Variants in EPB41L1 observed in about 807,000 individuals in gnomAD.
EPB41L1 encodes the protein band 4.1-like protein 1.
EPB41L1 carries 29 observed loss-of-function variants against 97.8 expected under a neutral mutation model. The ratio of observed to expected loss-of-function variants is 0.30; its 90% CI spans 0.22 to 0.40. The LOEUF is 0.40. Among genes scored for constraint, EPB41L1 ranks in the 10% least tolerant of loss-of-function variants. The pLI, the probability that EPB41L1 is intolerant of heterozygous loss-of-function variation, is 1.00. For missense variants in EPB41L1, 812 were observed against 1,162.3 expected (o/e 0.70, Z 4.38); for synonymous variants, 383 against 459.2 (o/e 0.83, Z 2.12).
intron 2 of EPB41L1, among the ~76,000 whole-genome samples, chr20:36,133,855 CAAAAAAAAA>C (rs57803389): frequency 5.3e-5 from 4 of 75,888 alleles, no homozygotes; most frequent in African/African-American, 1.8e-4. Flanking sequence ...GAGACCCTGT[CAAAAAAAAA>C]AAAAAAAAAG....
chr20:36,099,793 G>A (rs530345433), intron 1 of EPB41L1, among the ~76,000 whole-genome samples: 5 of 152,376 alleles, frequency 3.3e-5, no homozygotes, highest in African/African-American at 1.2e-4. Context: ...CCTGTCTTCA[G>A]TCTGAACAGT....
rs76905668 is a variant in EPB41L1, at chr20:36,181,401, C to A, written c.491-871C>A. The stretch of plus-strand genomic sequence containing the variant: ...AGCTATAACCTCAGCCTTTATTCCC[C>A]TGTGTATCTTCTTAGATGTGTGCCA... On this transcript the variant is annotated intron_variant, in intron 5 of 21. Coordinates refer to ENST00000338074, the MANE Select transcript of EPB41L1 (RefSeq NM_012156.2). Among the ~76,000 whole-genome samples the A allele has an allele frequency of 0.01, 1,562 of 152,302 alleles. 64 individuals carry two copies. The East Asian group carries it at 0.13, about 13-fold the overall frequency.
At chr20:36,220,097 G>T (rs543097460) in intron 19 of EPB41L1, among the ~76,000 whole-genome samples, 1 of 152,392 alleles carries the variant, frequency 6.6e-6, no homozygotes, top group Non-Finnish European at 1.5e-5. Flanking sequence ...ACCATGGCGT[G>T]TGCGCCTTGT....
chr20:36,190,282 G>A lies in EPB41L1; in HGVS notation c.1032G>A (p.Glu344=), dbSNP rs760726209. Residue 344 remains glutamate, a synonymous_variant, in exon 10 of 22, where the codon GAG becomes GAA. Coordinates refer to ENST00000338074, the MANE Select transcript of EPB41L1 (RefSeq NM_012156.2). The surrounding 1 kb of genome is among the most constrained non-coding windows in gnomAD (Gnocchi z 5.8). ...FYIKIRPGEY[E]QFESTIGFKL... The stretch of plus-strand genomic sequence containing the variant: ...CTGCCCTTTTGGTTTTCCAGTATGA[G>A]CAATTTGAGAGCACAATTGGCTTTA... 8 of 1,614,038 alleles carry A rather than the reference G, an allele frequency of 5.0e-6. No homozygotes were observed. In the South Asian group the frequency reaches 6.6e-5, roughly 13 times the overall value.
chr20:36,136,647 G>T, intron 2 of EPB41L1, among the ~76,000 whole-genome samples: 1 of 150,420 alleles, frequency 6.6e-6, no homozygotes, highest in African/African-American at 2.5e-5. Context: ...GTACACAGGT[G>T]CAATCATAGC....
intron 1 of EPB41L1, among the ~76,000 whole-genome samples, chr20:36,112,190 C>T (rs949283575): frequency 6.6e-6 from 1 of 152,200 alleles, no homozygotes; most frequent in Non-Finnish European, 1.5e-5. Context: ...CAATAAAGAG[C>T]GAATCTTCTC....
chr20:36,194,798 C>T (rs940551152), intron 12 of EPB41L1, among the ~76,000 whole-genome samples: 1 of 152,164 alleles, frequency 6.6e-6, no homozygotes, highest in Non-Finnish European at 1.5e-5. Flanking sequence ...TGCACACACA[C>T]AGTCCCAGTA....
At chr20:36,164,801 T>G (rs901763351) in intron 1 of EPB41L1, among the ~76,000 whole-genome samples, 3 of 152,114 alleles carry the variant, frequency 2.0e-5, no homozygotes, top group Non-Finnish European at 4.4e-5. Context: ...TTCTCCTGTC[T>G]CAGGCTCCCG....
chr20:36,143,519 G>A (rs2059721930), intron 2 of EPB41L1, among the ~76,000 whole-genome samples: 1 of 152,044 alleles, frequency 6.6e-6, no homozygotes, highest in Non-Finnish European at 1.5e-5. Context: ...TTAATGTAGG[G>A]TTCCTTTAAA....
chr20:36,158,026 G>A (rs1439556551), intron 1 of EPB41L1, among the ~76,000 whole-genome samples: 2 of 152,164 alleles, frequency 1.3e-5, no homozygotes, highest in East Asian at 1.9e-4. Flanking sequence ...CAACTCATAC[G>A]TTCTTCACAA....
At position 36,229,516 on chromosome 20, in the gene EPB41L1, A is replaced by G. The variant is rs2064392126; in HGVS notation, c.*176A>G. On this transcript the variant is annotated 3_prime_UTR_variant, in exon 22 of 22. Transcript: ENST00000338074. ...TATATAGATATATAGAGATATAGAT[A>G]TATATACAGGAAACACCGCATCCTT... 3.3e-6 allele frequency: 2 copies of G among 613,844 alleles called. No homozygotes were observed. 38.0% of individuals were successfully genotyped at this position (613,844 alleles called of 1,614,324 possible).
At position 36,206,147 on chromosome 20, in the gene EPB41L1, G is replaced by A; in HGVS notation, c.1669-3341G>A. The A allele has an allele frequency of 7.8e-7, 1 of 1,289,874 alleles. No individual in the cohort carries two copies. Among genetic ancestry groups the A allele is most frequent in the Non-Finnish European group, 1.0e-6 (1 of 988,888 alleles). 79.9% of individuals were successfully genotyped at this position (1,289,874 alleles called of 1,614,324 possible). A position where few individuals can be genotyped will look rare whatever the true frequency, so the allele number is the denominator to read the frequency against. Reference sequence around the variant, plus strand: ...CCCTGGATCAGGGAAAGCCCAGGAGGGGCTGCCCTGGCTTCCGGCCGCACA... The same window carrying A: ...CCCTGGATCAGGGAAAGCCCAGGAGAGGCTGCCCTGGCTTCCGGCCGCACA... On this transcript the variant is annotated intron_variant, in intron 14 of 21. Transcript: ENST00000338074. This position sits in a 1 kb window ranked among gnomAD's most constrained non-coding sequence, Gnocchi z 5.5.
chr20:36,177,222 C>A (rs1430873168), intron 3 of EPB41L1, among the ~76,000 whole-genome samples: 1 of 152,196 alleles, frequency 6.6e-6, no homozygotes, highest in Non-Finnish European at 1.5e-5. Context: ...TCCTGTTCCC[C>A]TGCCATGTGA....
chr20:36,111,042 T>A (rs557541048), intron 1 of EPB41L1, among the ~76,000 whole-genome samples: 1 of 152,328 alleles, frequency 6.6e-6, no homozygotes, highest in African/African-American at 2.4e-5. Flanking sequence ...ATGGTGCTGC[T>A]ACCTTTTGGA....
intron 9 of EPB41L1, among the ~76,000 whole-genome samples, chr20:36,189,702 TC>T (rs2061861133): frequency 6.6e-6 from 1 of 152,116 alleles, no homozygotes; most frequent in Non-Finnish European, 1.5e-5. Flanking sequence ...CTCCCTTCAT[TC>T]CCCTTGTAGC....
intron 2 of EPB41L1, among the ~76,000 whole-genome samples, chr20:36,127,856 G>A (rs2059033700): frequency 1.3e-5 from 2 of 152,274 alleles, no homozygotes; most frequent in East Asian, 1.9e-4. Flanking sequence ...ATAGGGGGTT[G>A]TAACCAGCCT....
intron 7 of EPB41L1, among the ~76,000 whole-genome samples, chr20:36,186,670 C>T (rs1193969572): frequency 6.6e-6 from 1 of 152,184 alleles, no homozygotes; most frequent in African/African-American, 2.4e-5. Flanking sequence ...ATCTATTTGT[C>T]ATCCCTGTCC....
intron 1 of EPB41L1, among the ~76,000 whole-genome samples, chr20:36,109,495 T>C (rs542130820): frequency 1.3e-5 from 2 of 152,322 alleles, no homozygotes; most frequent in Admixed American, 6.5e-5. Flanking sequence ...CTACTGTTAG[T>C]GCGGGGGCTG....
chr20:36,112,024 C>T (rs1293017792), intron 1 of EPB41L1, among the ~76,000 whole-genome samples: 1 of 152,050 alleles, frequency 6.6e-6, no homozygotes, highest in Non-Finnish European at 1.5e-5. Flanking sequence ...TTGAGTCTGT[C>T]CACCTCTTTC....
Sources: allele counts gnomAD v4.1 joint callset (sites outside exome capture counted in the v4.1 genomes callset), GRCh38; gene constraint gnomAD v4.1.1; non-coding constraint Gnocchi (gnomAD v3.1); transcripts MANE v1.5; gene names NCBI Gene and HGNC (gene_info 2026-07-23, HGNC 2026-07-21).